The following MYLIP variants were observed in gnomAD, a reference collection of about 807,000 sequenced individuals.
MYLIP encodes E3 ubiquitin-protein ligase MYLIP.
MYLIP carries 26 observed loss-of-function variants against 45.8 expected under a neutral mutation model. The ratio of observed to expected loss-of-function variants is 0.57; its 90% CI spans 0.42 to 0.79. The LOEUF (loss-of-function observed/expected upper bound fraction) is 0.79, where lower values mean the gene tolerates loss of function less well. MYLIP is among the 30% of genes least tolerant of loss of function. The pLI, the probability that MYLIP is intolerant of heterozygous loss-of-function variation, is 0.00. For missense variants in MYLIP, 494 were observed against 555.6 expected (o/e 0.89, Z 1.11); for synonymous variants, 213 against 218.1 (o/e 0.98, Z 0.21).
chr6:16,135,753 A>ATATATATATATATG (rs1304662490), intron 2 of MYLIP, among the ~76,000 whole-genome samples: 22 of 103,724 alleles, frequency 2.1e-4, no homozygotes, highest in Non-Finnish European at 2.8e-4. Flanking sequence ...GTATACATAT[A>ATATATATATATATG]TCTATATATA....
rs918968803 is a variant in MYLIP at position 16,129,530 on chromosome 6, G to T, written c.87+121G>T. On this transcript the variant is annotated intron_variant, in intron 1 of 6. Coordinates refer to ENST00000356840, the MANE Select transcript of MYLIP (RefSeq NM_013262.4). The surrounding 1 kb of genome is among the most constrained non-coding windows in gnomAD (Gnocchi z 5.1). ...GCCGGGAGGCACTGCGGCGGCAGCC[G>T]GGGGGAGCGCGTCCCCTCCTCTCCA... 1.1e-6 allele frequency: 1 copy of T among 949,182 alleles called. No individual in the cohort carries two copies. Among genetic ancestry groups the T allele is most frequent in the Non-Finnish European group, 1.5e-6 (1 of 656,476 alleles). The allele number at this position is 949,182 out of a possible 1,614,324, so 58.8% of individuals were successfully genotyped here.
the MYLIP span, among the ~76,000 whole-genome samples, chr6:16,156,895 T>C: frequency 1.3e-5 from 2 of 152,358 alleles, no homozygotes; most frequent in South Asian, 4.1e-4. Context: ...AAGCCTTTCT[T>C]CTGCCAGTCT....
chr6:16,152,605 A>C (rs1373445207), downstream of MYLIP, among the ~76,000 whole-genome samples: 2 of 152,216 alleles, frequency 1.3e-5, no homozygotes, highest in African/African-American at 4.8e-5. Context: ...CATGGTACAG[A>C]TATCTGAGAT....
rs762202962 is a variant in MYLIP at position 16,143,217 on chromosome 6, G to A, written c.662G>A (p.Arg221Lys). The part of the protein sequence containing the change: ...ICKDDFSPIN[R>K]IAYPVVQMAT... ...AAAGATGACTTTAGCCCAATTAATA[G>A]GTAAGCCAAGACTTAACTTTTTTTG... Residue 221 changes from arginine (R) to lysine (K), a missense_variant and splice_region_variant, in exon 4 of 7, where the codon AGG (arginine) becomes AAG (lysine). Physicochemically the swap from Arg to Lys is conservative, Grantham distance 26. Transcript: ENST00000356840. 6.2e-7 allele frequency: 1 copy of A among 1,614,132 alleles called. No individual in the cohort carries two copies. Among genetic ancestry groups the A allele is most frequent in the Non-Finnish European group, 8.5e-7 (1 of 1,180,026 alleles).
rs536656069 is a variant in MYLIP at position 16,146,572 on chromosome 6, A to C, written c.1249-90A>C. On this transcript the variant is annotated intron_variant, in intron 6 of 6. Coordinates refer to ENST00000356840, the MANE Select transcript of MYLIP (RefSeq NM_013262.4). ...TGATCACAATTGATTTAGAAAATTA[A>C]ATGCACTAGAGACCAGGGGTGTGCA... The C allele has an allele frequency of 4.7e-5, 44 of 933,014 alleles. No individual in the cohort carries two copies. In the East Asian group the frequency reaches 1.0e-3, roughly 22 times the overall value. The allele number at this position is 933,014 out of a possible 1,614,324, so 57.8% of individuals were successfully genotyped here.
In MYLIP at chr6:16,141,643, C is replaced by T; in HGVS notation, c.297C>T (p.His99=). The change falls in exon 3 of 7, where the codon CAC becomes CAT. Residue 99 remains histidine (H), a synonymous_variant. Coordinates refer to ENST00000356840, the MANE Select transcript of MYLIP (RefSeq NM_013262.4). The part of the protein sequence containing the change: ...QEQTRHIFFL[H]IKEALLAGHL... ...TTTGCAGGCATATCTTTTTCTTGCACATCAAGGAGGCCCTCTTGGCAGGCC... is the reference window on the plus strand; with the variant it reads ...TTTGCAGGCATATCTTTTTCTTGCATATCAAGGAGGCCCTCTTGGCAGGCC... 4 of 1,613,156 alleles carry T rather than the reference C, an allele frequency of 2.5e-6. No individual in the cohort carries two copies. Among genetic ancestry groups the T allele is most frequent in the Non-Finnish European group, 3.4e-6 (4 of 1,179,312 alleles).
At chr6:16,154,597 G>A in the MYLIP span, among the ~76,000 whole-genome samples, 24 of 152,262 alleles carry the variant, frequency 1.6e-4, no homozygotes, top group Admixed American at 4.6e-4. Context: ...CACATGGCCC[G>A]GGATGCTCCA....
chr6:16,154,753 C>G, the MYLIP span, among the ~76,000 whole-genome samples: 3 of 152,326 alleles, frequency 2.0e-5, no homozygotes, highest in East Asian at 5.8e-4. Context: ...AGGGTACAAC[C>G]TTTGATTGCA....
chr6:16,150,113 A>G (rs1759858960), downstream of MYLIP, among the ~76,000 whole-genome samples: 1 of 152,220 alleles, frequency 6.6e-6, no homozygotes, highest in Non-Finnish European at 1.5e-5. Flanking sequence ...GGAAAGAATG[A>G]AGCTGAGCAT....
At chr6:16,139,214 A>G (rs953170343) in intron 2 of MYLIP, among the ~76,000 whole-genome samples, 2 of 152,170 alleles carry the variant, frequency 1.3e-5, no homozygotes, top group Admixed American at 1.3e-4. Flanking sequence ...CATCCTGGCT[A>G]ACACGGTGAA....
downstream of MYLIP, among the ~76,000 whole-genome samples, chr6:16,150,110 ATGAAGC>A (rs1759858933): frequency 6.6e-6 from 1 of 152,196 alleles, no homozygotes; most frequent in African/African-American, 2.4e-5. Context: ...GAGGGAAAGA[ATGAAGC>A]TGAGCATGCG....
At chr6:16,133,977 C>T (rs539538150) in intron 2 of MYLIP, among the ~76,000 whole-genome samples, 2 of 152,260 alleles carry the variant, frequency 1.3e-5, no homozygotes, top group South Asian at 2.1e-4. Flanking sequence ...GACTCTGACT[C>T]GTCCCTTGTT....
chr6:16,131,240 G>A (rs191601860), intron 2 of MYLIP, among the ~76,000 whole-genome samples: 7 of 152,252 alleles, frequency 4.6e-5, no homozygotes, highest in African/African-American at 1.7e-4. Flanking sequence ...GCAGCCAAGA[G>A]CTCTGTTTGA....
chr6:16,161,987 T>A, the MYLIP span, among the ~76,000 whole-genome samples: 1 of 152,242 alleles, frequency 6.6e-6, no homozygotes, highest in Non-Finnish European at 1.5e-5. Context: ...TAAACATTTT[T>A]GCAAGCCTTC....
the MYLIP span, among the ~76,000 whole-genome samples, chr6:16,154,063 T>C: frequency 6.6e-6 from 1 of 152,164 alleles, no homozygotes; most frequent in Non-Finnish European, 1.5e-5. Flanking sequence ...GAACCCCACC[T>C]CTACTTCAGT....
At chr6:16,138,253 T>G (rs1191613162) in intron 2 of MYLIP, among the ~76,000 whole-genome samples, 1 of 152,030 alleles carries the variant, frequency 6.6e-6, no homozygotes, top group African/African-American at 2.4e-5. Flanking sequence ...AAGCATTCAC[T>G]GCAGGCATAA....
the MYLIP span, among the ~76,000 whole-genome samples, chr6:16,158,118 G>A: frequency 6.6e-6 from 1 of 152,154 alleles, no homozygotes; most frequent in Non-Finnish European, 1.5e-5. Context: ...ACGGATTATC[G>A]CTGTGAAAGC....
chr6:16,130,783 C>A (rs772725127), intron 2 of MYLIP, 36 bp downstream of exon 2: 1 of 1,585,258 alleles, frequency 6.3e-7, no homozygotes, highest in East Asian at 2.2e-5. Flanking sequence ...GTCAAATTGA[C>A]CTTTGGTTCC....
At chr6:16,158,301 GA>G in the MYLIP span, among the ~76,000 whole-genome samples, 1 of 152,190 alleles carries the variant, frequency 6.6e-6, no homozygotes, top group African/African-American at 2.4e-5. Flanking sequence ...CGTTTGGTCC[GA>G]AAAGACAGAT....
Sources: gnomAD v4.1 joint callset for allele counts (sites outside exome capture counted in the v4.1 genomes callset) on GRCh38, gnomAD v4.1.1 for gene constraint, Gnocchi (gnomAD v3.1) non-coding constraint, MANE v1.5 for transcripts, NCBI Gene and HGNC (gene_info 2026-07-23, HGNC 2026-07-21) for gene names.